Variants in SOX5 observed in about 807,000 individuals in gnomAD.
SOX5 encodes transcription factor SOX-5.
A neutral mutation model predicts 92.0 loss-of-function variants in SOX5; 9 were observed. The ratio of observed to expected loss-of-function variants is 0.10; its 90% confidence interval spans 0.06 to 0.17. SOX5 has a LOEUF of 0.17. SOX5 is among the 10% of genes least tolerant of loss of function. The pLI is 1.00. For missense variants in SOX5, 642 were observed against 944.5 expected (o/e 0.68, Z 4.20); for synonymous variants, 344 against 336.3 (o/e 1.02, Z -0.25).
intron 6 of SOX5, among the ~76,000 whole-genome samples, chr12:23,705,382 A>G (rs775731549): frequency 2.0e-5 from 3 of 151,974 alleles, no homozygotes. Context: ...GTGATCCATA[A>G]AGTGTTTGAA....
At chr12:23,958,378 C>T (rs1946513318) in intron 4 of SOX5, among the ~76,000 whole-genome samples, 1 of 151,872 alleles carries the variant, frequency 6.6e-6, no homozygotes, top group Non-Finnish European at 1.5e-5. Flanking sequence ...GGTAGAAATG[C>T]AAAAATAAAC....
chr12:24,330,678 G>A (rs1217126261), intron 2 of SOX5, among the ~76,000 whole-genome samples: 2 of 152,202 alleles, frequency 1.3e-5, no homozygotes, highest in Admixed American at 6.5e-5. Flanking sequence ...CTCTATCTTT[G>A]GAAACAGCTT....
At chr12:24,297,671 C>T (rs1947431419) in intron 2 of SOX5, among the ~76,000 whole-genome samples, 1 of 152,198 alleles carries the variant, frequency 6.6e-6, no homozygotes, top group Non-Finnish European at 1.5e-5. Flanking sequence ...CAGGTCAGGT[C>T]AAGAACTTCA....
chr12:24,217,123 T>C (rs1470554651), intron 3 of SOX5, among the ~76,000 whole-genome samples: 1 of 152,228 alleles, frequency 6.6e-6, no homozygotes, highest in African/African-American at 2.4e-5. Context: ...AATTGTTAAG[T>C]ATAGCACTTT....
chr12:23,795,585 G>A (rs1171915940), intron 3 of SOX5, among the ~76,000 whole-genome samples: 2 of 152,082 alleles, frequency 1.3e-5, no homozygotes, highest in South Asian at 4.1e-4. Context: ...GTATGTGAGT[G>A]TGTGAGAGTG....
chr12:24,359,468 A>G (rs1220470299), intron 2 of SOX5, among the ~76,000 whole-genome samples: 4 of 152,194 alleles, frequency 2.6e-5, no homozygotes, highest in Non-Finnish European at 5.9e-5. Flanking sequence ...TCTTGGCAAC[A>G]TAATACCTTT....
rs144486378 is a variant in SOX5, at chr12:24,059,007, C to A, written c.-2+154336G>T. Reference sequence around the variant, plus strand: ...TAGTCTATAGCCAAGACTAAAGAAACACTGCATTAATCTAGCTATGCTATT... The same window carrying A: ...TAGTCTATAGCCAAGACTAAAGAAAAACTGCATTAATCTAGCTATGCTATT... On this transcript the variant is annotated intron_variant, in intron 4 of 4. Coordinates refer to the SOX5 transcript ENST00000446891. 2.6e-3 allele frequency among the ~76,000 whole-genome samples: 395 copies of A among 152,176 alleles called. 1 individual carries two copies. Among genetic ancestry groups the A allele is most frequent in the African/African-American group, 8.9e-3 (369 of 41,502 alleles).
At chr12:23,780,356 G>A (rs572510749) in intron 3 of SOX5, among the ~76,000 whole-genome samples, 62 of 151,648 alleles carry the variant, frequency 4.1e-4, no homozygotes, top group Non-Finnish European at 7.4e-4. Flanking sequence ...ACTTTGTTAG[G>A]TATTTTATAG....
At chr12:24,234,884 G>A (rs1356881019) in intron 3 of SOX5, among the ~76,000 whole-genome samples, 1 of 152,076 alleles carries the variant, frequency 6.6e-6, no homozygotes, top group Non-Finnish European at 1.5e-5. Flanking sequence ...GAGAGGGGGT[G>A]CTCGTAGCAT....
intron 2 of SOX5, among the ~76,000 whole-genome samples, chr12:23,849,782 A>T (rs2096611385): frequency 6.6e-6 from 1 of 152,190 alleles, no homozygotes; most frequent in African/African-American, 2.4e-5. Flanking sequence ...TATTTTTTAA[A>T]ATAAATTTTA....
intron 4 of SOX5, among the ~76,000 whole-genome samples, chr12:24,199,414 T>G (rs534663354): frequency 1.3e-5 from 2 of 152,344 alleles, no homozygotes; most frequent in South Asian, 4.1e-4. Flanking sequence ...CAATTCTTTC[T>G]GAGTCATACA....
intron 2 of SOX5, among the ~76,000 whole-genome samples, chr12:23,863,793 T>TACACACACACACAC (rs71059936): frequency 1.4e-5 from 2 of 145,704 alleles, no homozygotes; most frequent in African/African-American, 2.6e-5. Context: ...TTAAACACAC[T>TACACACACACACAC]ACACACACAC....
At chr12:23,688,641 G>T (rs911116970) in intron 6 of SOX5, among the ~76,000 whole-genome samples, 4 of 151,960 alleles carry the variant, frequency 2.6e-5, no homozygotes, top group Non-Finnish European at 5.9e-5. Context: ...AATTATCAGA[G>T]ATCCTTTGCT....
At chr12:23,990,421 T>C (rs562788225) in intron 4 of SOX5, among the ~76,000 whole-genome samples, 1 of 152,194 alleles carries the variant, frequency 6.6e-6, no homozygotes, top group East Asian at 1.9e-4. Context: ...ATATTTCCCA[T>C]AACTCCCTCG....
intron 4 of SOX5, among the ~76,000 whole-genome samples, chr12:24,212,143 G>T (rs574540663): frequency 6.6e-6 from 1 of 152,328 alleles, no homozygotes; most frequent in Admixed American, 6.5e-5. Flanking sequence ...TAAAAGCAGA[G>T]AGTTAAGCAT....
intron 1 of SOX5, among the ~76,000 whole-genome samples, chr12:24,407,950 T>G (rs1278051724): frequency 3.3e-5 from 5 of 152,180 alleles, no homozygotes; most frequent in Non-Finnish European, 7.3e-5. Flanking sequence ...AAACCCAGGT[T>G]AGGGAATCAC....
intron 1 of SOX5, among the ~76,000 whole-genome samples, chr12:24,499,408 A>G (rs573602937): frequency 6.6e-6 from 1 of 152,374 alleles, no homozygotes; most frequent in East Asian, 1.9e-4. Flanking sequence ...AGATGTGGCA[A>G]TTCAGCAAAG....
chr12:23,828,135 T>C (rs2096261795), intron 3 of SOX5, among the ~76,000 whole-genome samples: 1 of 152,218 alleles, frequency 6.6e-6, no homozygotes, highest in Non-Finnish European at 1.5e-5. Flanking sequence ...AAATACTTAC[T>C]TTTTTGTTAC....
intron 4 of SOX5, among the ~76,000 whole-genome samples, chr12:24,208,318 G>C (rs1189832967): frequency 6.6e-6 from 1 of 152,128 alleles, no homozygotes; most frequent in Non-Finnish European, 1.5e-5. Context: ...CAAACAAAAA[G>C]TTTTAATGAC....
Sources: allele counts gnomAD v4.1 joint callset (sites outside exome capture counted in the v4.1 genomes callset), GRCh38; gene constraint gnomAD v4.1.1; transcripts MANE v1.5; gene names NCBI Gene and HGNC (gene_info 2026-07-23, HGNC 2026-07-21).